The following PALM3 variants were observed in gnomAD, a reference collection of about 807,000 sequenced individuals.
PALM3 encodes paralemmin 3, also known as paralemmin-3.
A neutral mutation model predicts 27.9 loss-of-function variants in PALM3; 20 were observed. That is an observed-to-expected ratio of 0.72 (90% CI 0.50 to 1.04). The LOEUF (loss-of-function observed/expected upper bound fraction) is 1.04. PALM3 is among the 50% of genes least tolerant of loss of function. The pLI is 0.00. For missense variants in PALM3, 814 were observed against 869.4 expected (o/e 0.94, Z 0.80); for synonymous variants, 328 against 352.7 (o/e 0.93, Z 0.79).
At chr19:14,058,995 G>A in intron 2 of PALM3, 120 bp downstream of exon 2, 1 of 886,860 alleles carries the variant, frequency 1.1e-6, no homozygotes, top group Non-Finnish European at 1.6e-6. Flanking sequence ...GAGAATTGGT[G>A]TGGGGAGCCC....
intron 6 of PALM3, 26 bp from the exon 7 acceptor site, chr19:14,055,252 G>A: frequency 7.2e-7 from 1 of 1,393,188 alleles, no homozygotes; most frequent in Non-Finnish European, 9.3e-7. Context: ...GTGGAGGGGA[G>A]AGGACAAAAG....
chr19:14,057,305 C>G (rs1261365732), intron 3 of PALM3, 46 bp downstream of exon 3: 9 of 1,453,870 alleles, frequency 6.2e-6, no homozygotes, highest in Non-Finnish European at 8.4e-6. Context: ...CAGACACCCC[C>G]CACTCCATTC....
rs61731845 is a variant in PALM3 at position 14,054,912 on chromosome 19, C to T, written c.760G>A (p.Glu254Lys). 4,155 of 1,549,352 alleles carry T rather than the reference C, an allele frequency of 2.7e-3. 78 individuals are homozygous for T. The African/African-American group carries it at 0.046, about 17-fold the overall frequency. The stretch of plus-strand genomic sequence containing the variant: ...ACTTCCTCCACCTTAGCCTCCAGCT[C>T]GGGGCCCGTGGCCCCTGTGGCACAG... Reference protein sequence around the residue: ...EDCATGATGPELEAKVEEVVL... With the variant: ...EDCATGATGPKLEAKVEEVVL... The change falls in exon 7 of 7, where the codon GAG becomes AAG. Residue 254 changes from glutamate (E) to lysine (K), a missense_variant. By Grantham distance (56) the Glu-to-Lys change is moderately conservative. Coordinates refer to ENST00000669674, the MANE Select transcript of PALM3 (RefSeq NM_001145028.2).
chr19:14,054,639 C>T lies in PALM3; in HGVS notation c.1033G>A (p.Gly345Arg), dbSNP rs866307288. The T allele has an allele frequency of 4.8e-5, 74 of 1,551,358 alleles. No homozygotes were observed. The highest frequency in any genetic ancestry group is 6.3e-5 in the Non-Finnish European group (72 of 1,146,802). ...TCCTCTCCTCCAGAGCCTCCCTGCC[C>T]ATCACCCTCAGGGCTGCCCTGGGGC... ...DVPQGSPEGD[G>R]QGGSGGEEGS... Residue 345 changes from glycine (G) to arginine (R), a missense_variant, in exon 7 of 7, where the codon GGG becomes AGG. Gly to Arg is a moderately radical substitution (Grantham distance 125). Coordinates refer to ENST00000669674, the MANE Select transcript of PALM3 (RefSeq NM_001145028.2).
At position 14,058,965 on chromosome 19, in the gene PALM3, C is replaced by A. The variant is rs1976368425; in HGVS notation, c.90+150G>T. 8.0e-6 allele frequency: 5 copies of A among 628,856 alleles called. No homozygotes were observed. The South Asian group carries it at 8.0e-5, about 10-fold the overall frequency. 39.0% of individuals were successfully genotyped at this position (628,856 alleles called of 1,614,324 possible). On this transcript the variant is annotated intron_variant, in intron 2 of 6. Coordinates refer to ENST00000669674, the MANE Select transcript of PALM3 (RefSeq NM_001145028.2). ...GAGGGTGGTAGTGACCAGACAGGAACTGGGGGGCAGAGGGGGCTGGAGAAT... is the reference window on the plus strand; with the variant it reads ...GAGGGTGGTAGTGACCAGACAGGAAATGGGGGGCAGAGGGGGCTGGAGAAT...
intron 2 of PALM3, among the ~76,000 whole-genome samples, chr19:14,058,790 C>G (rs1210152119): frequency 6.6e-6 from 1 of 151,678 alleles, no homozygotes; most frequent in East Asian, 1.9e-4. Context: ...GATGGGGGCT[C>G]CGAGGTAGGG....
At chr19:14,057,462 G>T (rs747039086) in intron 2 of PALM3, 31 bp from the exon 3 acceptor site, 4 of 1,490,562 alleles carry the variant, frequency 2.7e-6, no homozygotes, top group Non-Finnish European at 2.7e-6. Context: ...GCTGCCCGCC[G>T]GCCGGGCGCG....
chr19:14,055,274 T>G (rs1290293468), intron 6 of PALM3, 48 bp from the exon 7 acceptor site: 6 of 1,525,082 alleles, frequency 3.9e-6, no homozygotes, highest in Admixed American at 2.0e-5. Flanking sequence ...GAAGACAGGG[T>G]TAAGATGGAA....
Position 14,054,483 on chromosome 19 carries a change from C to A in PALM3, c.1189G>T (p.Ala397Ser), listed in dbSNP as rs1204669799. The A allele has an allele frequency of 9.0e-6, 14 of 1,551,050 alleles. No homozygotes were observed. The Admixed American group carries it at 2.6e-4, about 28-fold the overall frequency. Residue 397 changes from alanine to serine, a missense_variant, in exon 7 of 7, where the codon GCC (alanine) becomes TCC (serine). Physicochemically the swap from Ala to Ser is moderately conservative, Grantham distance 99. Transcript: ENST00000669674. ...GDESPLGAEG[A>S]KTGGGEETWE... Reference sequence around the variant, plus strand: ...GTCTCCTCGCCTCCTCCCGTCTTGGCCCCCTCGGCCCCCAGCGGGCTTTCA... The same window carrying A: ...GTCTCCTCGCCTCCTCCCGTCTTGGACCCCTCGGCCCCCAGCGGGCTTTCA...
chr19:14,056,840 GA>G, intron 3 of PALM3, 36 bp from the exon 4 acceptor site: 1 of 1,516,298 alleles, frequency 6.6e-7, no homozygotes, highest in Non-Finnish European at 8.8e-7. Flanking sequence ...TGGGCATACA[GA>G]CTACCCCGGT....
Position 14,053,623 on chromosome 19 carries a change from C to G in PALM3, c.2049G>C (p.Gln683His). The G allele has an allele frequency of 1.4e-6, 2 of 1,459,590 alleles. No individual in the cohort carries two copies. Among genetic ancestry groups the G allele is most frequent in the Non-Finnish European group, 1.8e-6 (2 of 1,104,626 alleles). 90.4% of individuals were successfully genotyped at this position (1,459,590 alleles called of 1,614,324 possible). ...CATGGGTTCACATGACCGCACAACA[C>G]TGGCACGTCTTTTGCTTAGGGCCAC... ...EASGPKQKTC[Q>H]CCAVM The change falls in exon 7 of 7, where the codon CAG becomes CAC. Residue 683 changes from glutamine to histidine, a missense_variant. By Grantham distance (24) the Gln-to-His change is conservative (BLOSUM62 0). Transcript: ENST00000669674.
At chr19:14,056,161 G>A (rs978989883) in intron 5 of PALM3, among the ~76,000 whole-genome samples, 10 of 152,144 alleles carry the variant, frequency 6.6e-5, no homozygotes, top group Non-Finnish European at 1.5e-4. Context: ...CGCCCACCTC[G>A]GCCTCCCAAA....
chr19:14,056,973 G>C, intron 3 of PALM3, 169 bp from the exon 4 acceptor site: 1 of 695,442 alleles, frequency 1.4e-6, no homozygotes, highest in Non-Finnish European at 2.3e-6. Flanking sequence ...CGCTGCAAGT[G>C]GGCAGACATC....
intron 2 of PALM3, among the ~76,000 whole-genome samples, chr19:14,058,595 G>C (rs1976360128): frequency 6.6e-6 from 1 of 151,892 alleles, no homozygotes. Flanking sequence ...CAGAAATATG[G>C]GGTACAGAGG....
chr19:14,055,416 G>A lies in PALM3; in HGVS notation c.409C>T (p.Pro137Ser). 1 of 1,551,580 alleles carries A rather than the reference G, an allele frequency of 6.4e-7. No homozygotes were observed. The highest frequency in any genetic ancestry group is 1.2e-5 in the South Asian group (1 of 84,064). The stretch of plus-strand genomic sequence containing the variant: ...GCCTCGACAATGGACTGGGAGAGAG[G>A]ACGGTGACCCTGCAGAGATGGCGGA... ...RPSWRRQGHR[P>S]LSQSIVEAGS... Residue 137 changes from proline (P) to serine (S), a missense_variant, in exon 6 of 7, where the codon CCT becomes TCT. Physicochemically the swap from Pro to Ser is moderately conservative, Grantham distance 74. Coordinates refer to ENST00000669674, the MANE Select transcript of PALM3 (RefSeq NM_001145028.2).
rs1039730562 is a variant in PALM3 at position 14,054,487 on chromosome 19, C to G, written c.1185G>C (p.Glu395Asp). ...CCTCGCCTCCTCCCGTCTTGGCCCC[C>G]TCGGCCCCCAGCGGGCTTTCATCTC... ...ERGDESPLGA[E>D]GAKTGGGEET... The change falls in exon 7 of 7, where the codon GAG (glutamate) becomes GAC (aspartate). Residue 395 changes from glutamate (E) to aspartate (D), a missense_variant. Transcript: ENST00000669674. The G allele has an allele frequency of 3.9e-6, 6 of 1,551,350 alleles. No homozygotes were observed. The highest frequency in any genetic ancestry group is 5.2e-6 in the Non-Finnish European group (6 of 1,146,800).
rs1270611909 is a variant in PALM3, at chr19:14,059,436, C to T, written c.42-273G>A. On this transcript the variant is annotated intron_variant, in intron 1 of 6. Transcript: ENST00000669674. ...GTAAGATGGGCAGGAATAGCTTGACCACCCTGTCCTTGCCACCCCCGATCT... is the reference window on the plus strand; with the variant it reads ...GTAAGATGGGCAGGAATAGCTTGACTACCCTGTCCTTGCCACCCCCGATCT... Among the ~76,000 whole-genome samples, 4 of 152,034 alleles carry T rather than the reference C, an allele frequency of 2.6e-5. No individual in the cohort carries two copies. In the East Asian group the frequency reaches 7.7e-4, roughly 29 times the overall value.
intron 3 of PALM3, 62 bp from the exon 4 acceptor site, chr19:14,056,866 C>A: frequency 6.8e-7 from 1 of 1,460,260 alleles, no homozygotes; most frequent in South Asian, 1.4e-5. Context: ...GTAAAGTCCC[C>A]TCCCGACCTC....
At position 14,053,376 on chromosome 19, in the gene PALM3, T is replaced by C. The variant is rs1976217918; in HGVS notation, c.*229A>G. 2.2e-6 allele frequency: 1 copy of C among 444,970 alleles called. No homozygotes were observed. Among genetic ancestry groups the C allele is most frequent in the African/African-American group, 2.0e-5 (1 of 49,886 alleles). The allele number at this position is 444,970 out of a possible 1,614,324, so 27.6% of individuals were successfully genotyped here. A position where few individuals can be genotyped will look rare whatever the true frequency, so the allele number is the denominator to read the frequency against. The stretch of plus-strand genomic sequence containing the variant: ...ACACATTCAAGCCGTCTTGAGTGCT[T>C]TCACATTTTATTTTCAAGTATAAAG... On this transcript the variant is annotated 3_prime_UTR_variant, in exon 7 of 7. Transcript: ENST00000669674.
Sources: allele counts gnomAD v4.1 joint callset (sites outside exome capture counted in the v4.1 genomes callset), GRCh38; gene constraint gnomAD v4.1.1; transcripts MANE v1.5; gene names NCBI Gene and HGNC (gene_info 2026-07-23, HGNC 2026-07-21).